The following SUGCT variants were observed in gnomAD, a reference collection of about 807,000 sequenced individuals.
SUGCT encodes the protein succinyl-CoA:glutarate-CoA transferase, also known as succinyl-CoA:glutarate CoA-transferase.
SUGCT carries 41 observed loss-of-function variants against 55.0 expected under a neutral mutation model. The ratio of observed to expected loss-of-function variants is 0.74; its 90% confidence interval spans 0.58 to 0.97. The LOEUF is 0.97. Ranked by LOEUF, SUGCT falls within the 50% of genes least tolerant of loss-of-function variation. The probability of loss-of-function intolerance (pLI) is 0.00; values close to 1 mark genes in which losing one functional copy is unlikely to be tolerated. For missense variants in SUGCT, 568 were observed against 547.8 expected, an observed-to-expected ratio of 1.04 and a Z score of -0.37; for synonymous variants, 187 against 200.4, an observed-to-expected ratio of 0.93 and a Z score of 0.56.
intron 9 of SUGCT, among the ~76,000 whole-genome samples, chr7:40,427,286 C>T (rs1408055652): frequency 6.6e-6 from 1 of 152,084 alleles, no homozygotes; most frequent in East Asian, 1.9e-4. Flanking sequence ...GGATAATTCT[C>T]ACAAAGTTCT....
At chr7:40,559,317 A>G (rs544095111) in intron 12 of SUGCT, among the ~76,000 whole-genome samples, 152 of 152,258 alleles carry the variant, frequency 1.0e-3, no homozygotes, top group Non-Finnish European at 1.7e-3. Context: ...AGCTTTGGCA[A>G]TCACTGCGCT....
intron 12 of SUGCT, among the ~76,000 whole-genome samples, chr7:40,545,026 C>T (rs1442589987): frequency 6.6e-6 from 1 of 152,132 alleles, no homozygotes; most frequent in Non-Finnish European, 1.5e-5. Flanking sequence ...ACAACATGTC[C>T]ACATAGAATG....
chr7:40,879,123 C>CT, the SUGCT span, among the ~76,000 whole-genome samples: 98 of 152,294 alleles, frequency 6.4e-4, no homozygotes, highest in African/African-American at 2.3e-3. Flanking sequence ...TACCACTCAT[C>CT]TAACCACTTT....
At chr7:40,143,557 C>T (rs775510539) in intron 1 of SUGCT, among the ~76,000 whole-genome samples, 1 of 152,212 alleles carries the variant, frequency 6.6e-6, no homozygotes, top group African/African-American at 2.4e-5. Context: ...GCCTGCGGTG[C>T]GCACAAGCAT....
At chr7:40,379,945 T>C (rs932842537) in intron 9 of SUGCT, among the ~76,000 whole-genome samples, 10 of 152,340 alleles carry the variant, frequency 6.6e-5, no homozygotes, top group African/African-American at 2.4e-4. Context: ...ATAAGTTTTT[T>C]TGCTTAGTCT....
chr7:40,702,582 C>T (rs1416325485), intron 12 of SUGCT, among the ~76,000 whole-genome samples: 2 of 152,174 alleles, frequency 1.3e-5, no homozygotes, highest in Non-Finnish European at 1.5e-5. Flanking sequence ...GATTTATGTG[C>T]ATTTTAAAAG....
intron 13 of SUGCT, among the ~76,000 whole-genome samples, chr7:40,779,607 G>A (rs536022769): frequency 6.6e-5 from 10 of 152,240 alleles, no homozygotes; most frequent in Admixed American, 1.3e-4. Context: ...GTAGGCCAAG[G>A]GAAATTGAGG....
At chr7:40,172,877 G>C (rs1198341465) in intron 1 of SUGCT, among the ~76,000 whole-genome samples, 2 of 152,172 alleles carry the variant, frequency 1.3e-5, no homozygotes, top group Non-Finnish European at 1.5e-5. Context: ...CATGCTAATC[G>C]TTTTTAACTG....
chr7:40,506,469 TG>T (rs1296407522), intron 12 of SUGCT, among the ~76,000 whole-genome samples: 2 of 152,174 alleles, frequency 1.3e-5, no homozygotes, highest in Admixed American at 1.3e-4. Flanking sequence ...ATGATATGTC[TG>T]GATGTTTGTG....
chr7:40,905,088 G>A, the SUGCT span, among the ~76,000 whole-genome samples: 2 of 152,098 alleles, frequency 1.3e-5, no homozygotes, highest in Non-Finnish European at 2.9e-5. Flanking sequence ...AACAATTTTC[G>A]AGCATTTTCT....
At chr7:40,203,094 G>C (rs536216951) in intron 6 of SUGCT, among the ~76,000 whole-genome samples, 1 of 152,280 alleles carries the variant, frequency 6.6e-6, no homozygotes, top group East Asian at 1.9e-4. Context: ...AGTCTCTCTT[G>C]TGTGGCTTAA....
At chr7:40,788,363 A>T (rs1115715) in intron 13 of SUGCT, among the ~76,000 whole-genome samples, 1 of 152,000 alleles carries the variant, frequency 6.6e-6, no homozygotes, top group Non-Finnish European at 1.5e-5. Context: ...AGAAAATCTC[A>T]GCTTGAATGG....
intron 9 of SUGCT, among the ~76,000 whole-genome samples, chr7:40,342,429 G>A (rs2151179846): frequency 6.6e-6 from 1 of 152,196 alleles, no homozygotes; most frequent in Non-Finnish European, 1.5e-5. Flanking sequence ...ATTTCCTCCA[G>A]GCAAAGCTAC....
the SUGCT span, among the ~76,000 whole-genome samples, chr7:40,957,657 T>C: frequency 3.3e-5 from 5 of 152,100 alleles, no homozygotes; most frequent in South Asian, 2.1e-4. Context: ...AAGGTTAATA[T>C]TGTTATGTGT....
intron 12 of SUGCT, among the ~76,000 whole-genome samples, chr7:40,701,296 T>G (rs1467441852): frequency 6.6e-6 from 1 of 152,216 alleles, no homozygotes; most frequent in Non-Finnish European, 1.5e-5. Flanking sequence ...CTAGGAAGTG[T>G]GTGTGGCAGG....
intron 12 of SUGCT, among the ~76,000 whole-genome samples, chr7:40,535,783 C>T (rs371944560): frequency 2.6e-5 from 4 of 152,146 alleles, no homozygotes; most frequent in African/African-American, 7.2e-5. Flanking sequence ...GTGATCCACC[C>T]GCCTTGACCT....
intron 9 of SUGCT, among the ~76,000 whole-genome samples, chr7:40,369,120 T>G (rs1286479068): frequency 6.7e-6 from 1 of 150,146 alleles, no homozygotes; most frequent in Non-Finnish European, 1.5e-5. Context: ...AAAAAAAAAT[T>G]ATAACTTTTG....
the SUGCT span, among the ~76,000 whole-genome samples, chr7:40,930,049 T>G: frequency 6.6e-6 from 1 of 152,130 alleles, no homozygotes; most frequent in Non-Finnish European, 1.5e-5. Context: ...TTTTTATGGT[T>G]TTAGGTCTAA....
chr7:40,348,746 A>G (rs192577493), intron 9 of SUGCT, among the ~76,000 whole-genome samples: 3 of 152,230 alleles, frequency 2.0e-5, no homozygotes, highest in East Asian at 1.9e-4. Context: ...TTTGTCCTGC[A>G]TATAACTTAC....
Sources: allele counts gnomAD v4.1 joint callset (sites outside exome capture counted in the v4.1 genomes callset), GRCh38; gene constraint gnomAD v4.1.1; transcripts MANE v1.5; gene names NCBI Gene and HGNC (gene_info 2026-07-23, HGNC 2026-07-21).